The following SEL1L3 variants were observed in gnomAD, a reference collection of about 807,000 sequenced individuals.
The protein encoded by SEL1L3 is SEL1L family member 3, also known as protein sel-1 homolog 3.
SEL1L3 carries 76 observed loss-of-function variants against 142.8 expected under a neutral mutation model. The ratio of observed to expected loss-of-function variants is 0.53; its 90% CI spans 0.44 to 0.64. The LOEUF is 0.64. Among genes scored for constraint, SEL1L3 ranks in the 30% least tolerant of loss-of-function variants. The pLI is 0.00. For synonymous variants in SEL1L3, 504 were observed against 519.6 expected (o/e 0.97, Z 0.41); for missense variants, 1,262 against 1,381.7 (o/e 0.91, Z 1.37).
rs1292601379 is a variant in SEL1L3 at position 25,833,531 on chromosome 4, C to T, written c.899G>A (p.Cys300Tyr). ...CAGAATCCCACAGAGGTTGGCCTTG[C>T]AATAATGGAGTAAATAAAGCCACAA... is the stretch of plus-strand genomic sequence containing the variant. ...VSLWLYLLHY[C>Y]KANLCGILYF... Residue 300 changes from cysteine (C) to tyrosine (Y), a missense_variant, in exon 4 of 24, where the codon TGC (cysteine) becomes TAC (tyrosine). Physicochemically the swap from Cys to Tyr is radical, Grantham distance 194. Transcript: ENST00000399878. 4 of 1,612,700 alleles carry T rather than the reference C, an allele frequency of 2.5e-6. No individual in the cohort carries two copies. Among genetic ancestry groups the T allele is most frequent in the Admixed American group, 1.7e-5 (1 of 59,862 alleles).
intron 23 of SEL1L3, among the ~76,000 whole-genome samples, chr4:25,757,124 CG>C (rs376509665): frequency 5.2e-4 from 79 of 151,812 alleles, no homozygotes; most frequent in Middle Eastern, 3.4e-3. Context: ...AAAAATTAGC[CG>C]GGTGTGGTGG....
At chr4:25,798,502 G>A (rs192426553) in intron 11 of SEL1L3, among the ~76,000 whole-genome samples, 1 of 152,162 alleles carries the variant, frequency 6.6e-6, no homozygotes, top group Non-Finnish European at 1.5e-5. Flanking sequence ...TGGCCTGAGG[G>A]AGAGGATGGG....
chr4:25,828,423 G>A (rs1715230669), intron 6 of SEL1L3, among the ~76,000 whole-genome samples: 1 of 137,448 alleles, frequency 7.3e-6, no homozygotes, highest in East Asian at 2.1e-4. Flanking sequence ...GAGTATCACT[G>A]TCACCTAGGC....
chr4:25,822,872 C>T (rs1049016369), intron 6 of SEL1L3, among the ~76,000 whole-genome samples: 6 of 152,170 alleles, frequency 3.9e-5, no homozygotes, highest in African/African-American at 9.7e-5. Flanking sequence ...TGTCTGTCAG[C>T]GGGGACTGGC....
At chr4:25,840,632 A>G (rs1316203565) in intron 2 of SEL1L3, among the ~76,000 whole-genome samples, 2 of 152,236 alleles carry the variant, frequency 1.3e-5, no homozygotes, top group African/African-American at 4.8e-5. Context: ...TAGGGCATTT[A>G]AGAACCTTCC....
intron 17 of SEL1L3, chr4:25,770,140 A>AT (rs1719054162): frequency 6.6e-6 from 1 of 152,146 alleles, no homozygotes; most frequent in Non-Finnish European, 1.5e-5. Flanking sequence ...AAAAAAAAGA[A>AT]TTTTTTCTTA....
At chr4:25,844,238 G>A (rs1716366503) in intron 2 of SEL1L3, among the ~76,000 whole-genome samples, 1 of 152,194 alleles carries the variant, frequency 6.6e-6, no homozygotes, top group African/African-American at 2.4e-5. Context: ...TATCCCCACA[G>A]CCCAGATCCA....
intron 17 of SEL1L3, among the ~76,000 whole-genome samples, chr4:25,772,040 A>G (rs937062044): frequency 6.6e-6 from 1 of 152,208 alleles, no homozygotes; most frequent in African/African-American, 2.4e-5. Context: ...CACAAAAATG[A>G]AAAAAGGGGA....
chr4:25,838,414 G>A (rs1195058466), intron 2 of SEL1L3, among the ~76,000 whole-genome samples: 1 of 152,180 alleles, frequency 6.6e-6, no homozygotes, highest in East Asian at 1.9e-4. Flanking sequence ...TCCATTTGGA[G>A]ACAAGAAAAG....
intron 9 of SEL1L3, among the ~76,000 whole-genome samples, chr4:25,810,301 T>A (rs956606126): frequency 6.6e-6 from 1 of 152,158 alleles, no homozygotes; most frequent in Middle Eastern, 3.2e-3. Context: ...ATGTCACCTG[T>A]TCAGTGCCTT....
At chr4:25,857,450 T>C (rs1717342421) in intron 1 of SEL1L3, among the ~76,000 whole-genome samples, 1 of 152,354 alleles carries the variant, frequency 6.6e-6, no homozygotes, top group African/African-American at 2.4e-5. Flanking sequence ...ACCTACTGTG[T>C]ACTGAGCACT....
chr4:25,856,611 A>AAC (rs1717285189), intron 1 of SEL1L3, among the ~76,000 whole-genome samples: 1 of 151,252 alleles, frequency 6.6e-6, no homozygotes, highest in Admixed American at 6.6e-5. Context: ...AAAAAAAAAA[A>AAC]AACAAAGAAA....
rs142038218 is a variant in SEL1L3 at position 25,748,638 on chromosome 4, A to T, written c.3260-74T>A. On this transcript the variant is annotated intron_variant, in intron 23 of 23. Transcript: ENST00000399878. ...TCAGAATGTACAACCACACCTAGAG[A>T]CTCTGGCAAGCCAGGAGAGATGCAT... 130 of 1,499,938 alleles carry T rather than the reference A, an allele frequency of 8.7e-5. No homozygotes were observed. The East Asian group carries it at 3.0e-3, about 34-fold the overall frequency. 92.9% of individuals were successfully genotyped at this position (1,499,938 alleles called of 1,614,324 possible). A position where few individuals can be genotyped will look rare whatever the true frequency, so the allele number is the denominator to read the frequency against.
In SEL1L3 at chr4:25,782,224, G is replaced by A; in HGVS notation, c.2457+18C>T. On this transcript the variant is annotated intron_variant, in intron 15 of 23. Coordinates refer to ENST00000399878, the MANE Select transcript of SEL1L3 (RefSeq NM_015187.5). ...AAGTGACTGACTAGTTGCAGAGTGG[G>A]TCTCAAGTCCTACTCACTTGATTCC... The A allele has an allele frequency of 6.2e-7, 1 of 1,609,188 alleles. No individual in the cohort carries two copies. The highest frequency in any genetic ancestry group is 1.3e-5 in the African/African-American group (1 of 74,872).
At chr4:25,800,399 T>C (rs1471513497) in intron 11 of SEL1L3, among the ~76,000 whole-genome samples, 1 of 152,260 alleles carries the variant, frequency 6.6e-6, no homozygotes, top group Non-Finnish European at 1.5e-5. Flanking sequence ...ACTTTTCAGC[T>C]GCAAGACGGA....
chr4:25,830,647 T>A (rs965030322), intron 5 of SEL1L3, among the ~76,000 whole-genome samples: 3 of 152,194 alleles, frequency 2.0e-5, no homozygotes, highest in Admixed American at 2.0e-4. Context: ...TTTTTTGTCA[T>A]GAATGCTGTT....
chr4:25,847,643 G>A lies in SEL1L3; in HGVS notation c.384C>T (p.Tyr128=). The A allele has an allele frequency of 6.2e-7, 1 of 1,613,644 alleles. No homozygotes were observed. The highest frequency in any genetic ancestry group is 1.3e-5 in the African/African-American group (1 of 74,940). ...SSEFRSSIPV[Y]KKRWKNEKHL... is the part of the protein sequence containing the mutation. The stretch of plus-strand genomic sequence containing the variant: ...GTTTCTCATTCTTCCACCTTTTTTT[G>A]TACACGGGAATGCTACTTCTGAACT... The change falls in exon 2 of 24, where the codon TAC becomes TAT. Residue 128 remains tyrosine (Y), a synonymous_variant. Coordinates refer to ENST00000399878, the MANE Select transcript of SEL1L3 (RefSeq NM_015187.5).
intron 7 of SEL1L3, among the ~76,000 whole-genome samples, chr4:25,820,243 C>T (rs998709793): frequency 6.6e-6 from 1 of 152,178 alleles, no homozygotes; most frequent in African/African-American, 2.4e-5. Context: ...TAGAAAATCA[C>T]ACTCACCTCC....
chr4:25,851,846 G>A lies in SEL1L3; in HGVS notation c.163-3982C>T, dbSNP rs141841602. On this transcript the variant is annotated intron_variant, in intron 1 of 23. Transcript: ENST00000399878. ...AGAGGTTGCAGTGAGCCGATATCGT[G>A]CCACTGCATTCCAGCCTGGCGACAG... 1.4e-3 allele frequency among the ~76,000 whole-genome samples: 196 copies of A among 142,868 alleles called. 1 individual carries two copies. The highest frequency in any genetic ancestry group is 4.7e-3 in the Admixed American group (66 of 13,980). The allele number at this position is 142,868 out of a possible 152,430, so 93.7% of individuals were successfully genotyped here. A position where few individuals can be genotyped will look rare whatever the true frequency, so the allele number is the denominator to read the frequency against.
Sources: allele counts gnomAD v4.1 joint callset (sites outside exome capture counted in the v4.1 genomes callset), GRCh38; gene constraint gnomAD v4.1.1; transcripts MANE v1.5; gene names NCBI Gene and HGNC (gene_info 2026-07-23, HGNC 2026-07-21).